The following FANCB variants were observed in gnomAD, a reference collection of about 807,000 sequenced individuals.
The protein encoded by FANCB is Fanconi anemia group B protein.
A neutral mutation model predicts 38.9 loss-of-function variants in FANCB; 5 were observed. The ratio of observed to expected loss-of-function variants is 0.13; its 90% CI spans 0.07 to 0.27. The LOEUF (loss-of-function observed/expected upper bound fraction) is 0.27. FANCB is among the 10% of genes least tolerant of loss of function. FANCB has a pLI of 1.00. For synonymous variants in FANCB, 236 were observed against 215.4 expected (o/e 1.10, Z -0.84); for missense variants, 573 against 602.7 (o/e 0.95, Z 0.52).
Position 14,843,850 on chromosome X carries a change from T to C in FANCB, c.2297A>G (p.Glu766Gly). The change falls in exon 10 of 10, where the codon GAA becomes GGA. Residue 766 changes from glutamate (E) to glycine (G), a missense_variant. Transcript: ENST00000650831. ...IDNMAFTLEK[E>G]LVTLSSLSSA... Reference sequence around the variant, plus strand: ...AGAAAGAGAACTAAGGGTGACTAGTTCCTTCTCCAAAGTAAATGCCATATT... The same window carrying C: ...AGAAAGAGAACTAAGGGTGACTAGTCCCTTCTCCAAAGTAAATGCCATATT... The C allele has an allele frequency of 8.3e-7, 1 of 1,209,814 alleles. No individual in the cohort carries two copies. Among genetic ancestry groups the C allele is most frequent in the Non-Finnish European group, 1.1e-6 (1 of 894,648 alleles).
At chrX:14,847,810 A>G (rs1432560111) in intron 7 of FANCB, among the ~76,000 whole-genome samples, 1 of 111,740 alleles carries the variant, frequency 8.9e-6, no homozygotes, top group Non-Finnish European at 1.9e-5. Context: ...AATTATTTGA[A>G]AAGATCTAAT....
the FANCB span, among the ~76,000 whole-genome samples, chrX:14,753,814 G>A: frequency 1.8e-5 from 2 of 112,038 alleles, no homozygotes; most frequent in Non-Finnish European, 3.8e-5. Flanking sequence ...GTGGCAGAGC[G>A]CTTCCCTAGA....
At chrX:14,840,181 G>A (rs939211708), downstream of FANCB, among the ~76,000 whole-genome samples, 1 of 111,715 alleles carries the variant, frequency 9.0e-6, no homozygotes, top group Non-Finnish European at 1.9e-5. Context: ...TTAGTAATTG[G>A]CAGTCCAGGA....
chrX:14,754,074 A>G, the FANCB span, among the ~76,000 whole-genome samples: 1 of 111,991 alleles, frequency 8.9e-6, no homozygotes. Context: ...AACCAGACGC[A>G]TTGTGAGAGT....
chrX:14,848,974 T>C (rs2092389178), intron 7 of FANCB, among the ~76,000 whole-genome samples: 2 of 111,139 alleles, frequency 1.8e-5, no homozygotes, highest in Non-Finnish European at 3.8e-5. Flanking sequence ...CCGATCTGCC[T>C]AGGAACAAAG....
chrX:14,738,359 A>G, the FANCB span, among the ~76,000 whole-genome samples: 2 of 112,284 alleles, frequency 1.8e-5, no homozygotes, highest in East Asian at 5.6e-4. Flanking sequence ...GTTCAAAAGT[A>G]CAATTATGGC....
Position 14,843,756 on chromosome X carries a change from G to A in FANCB, c.2391C>T (p.Val797=), listed in dbSNP as rs778731279. ...RCEVSKGKSS[V]VAAALSDRRE... is the part of the protein sequence containing the mutation. Reference sequence around the variant, plus strand: ...TTCTGTCTGATAAAGCAGCCGCGACGACACTACTCTTTCCTTTGCTCACTT... The same window carrying A: ...TTCTGTCTGATAAAGCAGCCGCGACAACACTACTCTTTCCTTTGCTCACTT... Residue 797 remains valine, a synonymous_variant, in exon 10 of 10, where the codon GTC becomes GTT. Coordinates refer to ENST00000650831, the MANE Select transcript of FANCB (RefSeq NM_001018113.3). The A allele has an allele frequency of 7.4e-6, 9 of 1,209,130 alleles. No individual in the cohort carries two copies. The highest frequency in any genetic ancestry group is 5.9e-5 in the East Asian group (2 of 33,728).
At chrX:14,719,750 A>G in the FANCB span, among the ~76,000 whole-genome samples, 1 of 112,083 alleles carries the variant, frequency 8.9e-6, no homozygotes, top group African/African-American at 3.2e-5. Flanking sequence ...CTGCACTCCC[A>G]TATTTACTGC....
At chrX:14,866,564 C>T in intron 2 of FANCB, among the ~76,000 whole-genome samples, 1 of 111,577 alleles carries the variant, frequency 9.0e-6, no homozygotes, top group East Asian at 2.8e-4. Flanking sequence ...CCACTCTGCC[C>T]TGGCATGCAT....
chrX:14,760,903 C>A, the FANCB span, among the ~76,000 whole-genome samples: 1,569 of 110,922 alleles, frequency 0.014, 65 homozygotes, highest in East Asian at 0.11. Flanking sequence ...CCCGGGAGGC[C>A]GAGGTTGCAG....
the FANCB span, among the ~76,000 whole-genome samples, chrX:14,823,053 G>A: frequency 5.0e-5 from 5 of 100,535 alleles, no homozygotes; most frequent in East Asian, 6.4e-4. Context: ...TAATGTTTGC[G>A]TACTATATTT....
chrX:14,729,485 A>G, the FANCB span, among the ~76,000 whole-genome samples: 2 of 111,938 alleles, frequency 1.8e-5, no homozygotes, highest in African/African-American at 6.5e-5. Context: ...TATCTAATTT[A>G]TGTAGAAATA....
At chrX:14,761,002 A>C in the FANCB span, among the ~76,000 whole-genome samples, 2 of 111,546 alleles carry the variant, frequency 1.8e-5, no homozygotes, top group Non-Finnish European at 3.8e-5. Context: ...ACAACAAAAA[A>C]AAAACCACTG....
the FANCB span, among the ~76,000 whole-genome samples, chrX:14,723,778 C>G: frequency 1.8e-5 from 2 of 112,123 alleles, no homozygotes; most frequent in African/African-American, 6.5e-5. Flanking sequence ...TGAAATATCA[C>G]TTCCTAGGGG....
At chrX:14,713,121 C>G in the FANCB span, among the ~76,000 whole-genome samples, 272 of 111,939 alleles carry the variant, frequency 2.4e-3, no homozygotes, top group African/African-American at 8.2e-3. Context: ...CGATAAAGAT[C>G]TAGAGAATTT....
At chrX:14,726,990 A>T in the FANCB span, among the ~76,000 whole-genome samples, 3 of 112,306 alleles carry the variant, frequency 2.7e-5, no homozygotes, top group Non-Finnish European at 5.6e-5. Context: ...AAGGAAAAAA[A>T]CAGCACAGTA....
At position 14,857,939 on chromosome X, in the gene FANCB, A is replaced by G. The variant is rs781251036; in HGVS notation, c.1120T>C (p.Cys374Arg). ...TCTTCAAATAAGTCATCTTCATTGCAATCTGATGGTTCACTCTAATAAATA... is the reference window on the plus strand; with the variant it reads ...TCTTCAAATAAGTCATCTTCATTGCGATCTGATGGTTCACTCTAATAAATA... ...KINYSSEPSD[C>R]NEDDLFEDKQ... The change falls in exon 5 of 10, where the codon TGC becomes CGC. Residue 374 changes from cysteine (C) to arginine (R), a missense_variant. By Grantham distance (180) the Cys-to-Arg change is radical. Transcript: ENST00000650831. The G allele has an allele frequency of 1.8e-6, 2 of 1,140,971 alleles. No homozygotes were observed. The highest frequency in any genetic ancestry group is 2.5e-4 in the Middle Eastern group (1 of 3,960). The allele number at this position is 1,140,971 out of a possible 1,213,427, so 94.0% of individuals were successfully genotyped here. A position where few individuals can be genotyped will look rare whatever the true frequency, so the allele number is the denominator to read the frequency against.
downstream of FANCB, among the ~76,000 whole-genome samples, chrX:14,842,133 A>G (rs933991596): frequency 2.7e-5 from 3 of 112,005 alleles, no homozygotes; most frequent in Non-Finnish European, 5.6e-5. Flanking sequence ...TTCTACGATT[A>G]ATCCTGAATT....
At chrX:14,802,051 C>T in the FANCB span, among the ~76,000 whole-genome samples, 2 of 111,534 alleles carry the variant, frequency 1.8e-5, no homozygotes, top group Non-Finnish European at 3.8e-5. Context: ...TGAATCATGG[C>T]TCCTTATGGT....
Sources: allele counts gnomAD v4.1 joint callset (sites outside exome capture counted in the v4.1 genomes callset), GRCh38; gene constraint gnomAD v4.1.1; transcripts MANE v1.5; gene names NCBI Gene and HGNC (gene_info 2026-07-23, HGNC 2026-07-21).